The following RGL3 variants were observed in gnomAD, a reference collection of about 807,000 sequenced individuals.
The protein encoded by RGL3 is ral guanine nucleotide dissociation stimulator-like 3.
RGL3 carries 85 observed loss-of-function variants against 90.6 expected under a neutral mutation model. The observed-to-expected ratio is 0.94, with a 90% confidence interval of 0.79 to 1.12. The LOEUF (loss-of-function observed/expected upper bound fraction) is 1.12. RGL3 is among the 50% of genes most tolerant of loss of function. The pLI is 0.00. For missense variants in RGL3, 1,034 were observed against 939.2 expected (o/e 1.10, Z -1.32); for synonymous variants, 408 against 385.5 (o/e 1.06, Z -0.68).
In RGL3 at chr19:11,397,458, T is replaced by C. The variant is rs147520409; in HGVS notation, c.1886A>G (p.Tyr629Cys). The C allele has an allele frequency of 1.1e-5, 17 of 1,609,944 alleles. No homozygotes were observed. Among genetic ancestry groups the C allele is most frequent in the Non-Finnish European group, 1.4e-5 (16 of 1,177,522 alleles). ...VSIDNDHGNL[Y>C]RSILLTSQDK... Reference sequence around the variant, plus strand: ...CCAGCCCCTCACCAAGATGCTTCGATACAGGTTCCCGTGGTCATTGTCGAT... The same window carrying C: ...CCAGCCCCTCACCAAGATGCTTCGACACAGGTTCCCGTGGTCATTGTCGAT... Residue 629 changes from tyrosine to cysteine, a missense_variant, in exon 17 of 19, where the codon TAT becomes TGT. By Grantham distance (194) the Tyr-to-Cys change is radical. Coordinates refer to ENST00000380456, the MANE Select transcript of RGL3 (RefSeq NM_001035223.4).
chr19:11,410,555 A>G (rs1273646532), intron 5 of RGL3, among the ~76,000 whole-genome samples: 1 of 151,850 alleles, frequency 6.6e-6, no homozygotes, highest in Non-Finnish European at 1.5e-5. Context: ...CCTGATGCAC[A>G]CCTGCTGTCC....
At position 11,416,949 on chromosome 19, in the gene RGL3, A is replaced by G; in HGVS notation, c.258T>C (p.Arg86=). Residue 86 remains arginine (R), a synonymous_variant, in exon 3 of 19, where the codon CGT becomes CGC. Coordinates refer to ENST00000380456, the MANE Select transcript of RGL3 (RefSeq NM_001035223.4). ...RLVGELVFGD[R]EQDPSFMPAF... is the part of the protein sequence containing the mutation. Reference sequence around the variant, plus strand: ...CGGGCATGAAGCTGGGGTCCTGCTCACGGTCTCCAAACACCAACTCTCCCA... The same window carrying G: ...CGGGCATGAAGCTGGGGTCCTGCTCGCGGTCTCCAAACACCAACTCTCCCA... The G allele has an allele frequency of 6.2e-7, 1 of 1,614,026 alleles. No individual in the cohort carries two copies. Among genetic ancestry groups the G allele is most frequent in the Non-Finnish European group, 8.5e-7 (1 of 1,179,998 alleles).
chr19:11,404,572 A>G (rs1159316969), intron 9 of RGL3, among the ~76,000 whole-genome samples: 2 of 152,242 alleles, frequency 1.3e-5, no homozygotes, highest in Admixed American at 6.5e-5. Flanking sequence ...TGACGACAAC[A>G]ACAACAACAA....
intron 5 of RGL3, among the ~76,000 whole-genome samples, chr19:11,410,648 C>T (rs1030510570): frequency 6.6e-6 from 1 of 152,004 alleles, no homozygotes; most frequent in Non-Finnish European, 1.5e-5. Context: ...TGCCATAGCA[C>T]TCCAGCCTGG....
chr19:11,410,934 C>A (rs569028547), intron 5 of RGL3, among the ~76,000 whole-genome samples: 1 of 151,980 alleles, frequency 6.6e-6, no homozygotes, highest in Non-Finnish European at 1.5e-5. Context: ...ACCGGTAGGG[C>A]GTGGTGACTC....
intron 3 of RGL3, 67 bp downstream of exon 3, chr19:11,416,769 A>C (rs1969006636): frequency 6.3e-7 from 1 of 1,589,540 alleles, no homozygotes; most frequent in African/African-American, 1.3e-5. Flanking sequence ...ACACCTGAGG[A>C]GGTGGAGGGG....
intron 12 of RGL3, 35 bp downstream of exon 12, chr19:11,402,180 C>T (rs1968689934): frequency 6.2e-7 from 1 of 1,607,296 alleles, no homozygotes. Context: ...CCCCCACCCT[C>T]AGGCACCACC....
intron 2 of RGL3, among the ~76,000 whole-genome samples, chr19:11,418,110 C>T (rs2144745821): frequency 6.6e-6 from 1 of 152,040 alleles, no homozygotes; most frequent in South Asian, 2.1e-4. Flanking sequence ...GTGCCCCACT[C>T]CCTGCCCGCT....
intron 11 of RGL3, 84 bp downstream of exon 11, chr19:11,402,371 T>C: frequency 6.4e-7 from 1 of 1,567,028 alleles, no homozygotes; most frequent in Non-Finnish European, 8.7e-7. Context: ...GGAGTACAGG[T>C]AGGATCAAGG....
intron 18 of RGL3, among the ~76,000 whole-genome samples, chr19:11,396,151 TATATA>T (rs1968565432): frequency 5.2e-5 from 4 of 77,546 alleles, no homozygotes; most frequent in African/African-American, 1.8e-4. Flanking sequence ...TATATATATA[TATATA>T]TATTTTTTTT....
chr19:11,402,275 G>T (rs1342045027), intron 11 of RGL3, 28 bp from the exon 12 acceptor site: 1 of 1,611,402 alleles, frequency 6.2e-7, no homozygotes, highest in Non-Finnish European at 8.5e-7. Flanking sequence ...CTGAATTGCA[G>T]CACCCAGGGT....
chr19:11,417,943 G>A (rs2144745635), intron 2 of RGL3, among the ~76,000 whole-genome samples: 1 of 152,202 alleles, frequency 6.6e-6, no homozygotes, highest in Admixed American at 6.5e-5. Context: ...CTCTGCCCCA[G>A]CCTCCTGAGT....
chr19:11,396,385 G>T (rs1328590257), intron 18 of RGL3, among the ~76,000 whole-genome samples: 1 of 150,382 alleles, frequency 6.6e-6, no homozygotes, highest in African/African-American at 2.4e-5. Flanking sequence ...GGCCAGGCTG[G>T]TCTCGAACTC....
rs775136185 is a variant in RGL3, at chr19:11,418,683, G to A, written c.135C>T (p.Pro45=). ...ACCCCCTCCTCACCTGGCTGCCCCC[G>A]GGGCCCTCCGCCGGGCTCCTGCGCT... ...RSQRRSPAEG[P]GGSQAPSPIA... is the part of the protein sequence containing the mutation. The change falls in exon 2 of 19, where the codon CCC becomes CCT. Residue 45 remains proline (P), a synonymous_variant. Transcript: ENST00000380456. 8.4e-6 allele frequency: 13 copies of A among 1,555,836 alleles called. No individual in the cohort carries two copies. The highest frequency in any genetic ancestry group is 2.4e-5 in the East Asian group (1 of 42,486).
chr19:11,400,014 G>A (rs1968644510), intron 15 of RGL3, 26 bp downstream of exon 15: 3 of 1,602,796 alleles, frequency 1.9e-6, no homozygotes, highest in Non-Finnish European at 2.6e-6. Flanking sequence ...ATGATCCCCA[G>A]TCCCATCACC....
At chr19:11,409,511 A>G (rs1968839403) in intron 5 of RGL3, among the ~76,000 whole-genome samples, 1 of 152,124 alleles carries the variant, frequency 6.6e-6, no homozygotes, top group Non-Finnish European at 1.5e-5. Flanking sequence ...ACAAACAAAC[A>G]AACAAAAACA....
intron 3 of RGL3, 82 bp from the exon 4 acceptor site, chr19:11,416,749 T>C: frequency 6.3e-7 from 1 of 1,592,988 alleles, no homozygotes; most frequent in Non-Finnish European, 8.6e-7. Context: ...GGGAGGTGTT[T>C]CCAGGTTCCA....
chr19:11,416,429 C>T (rs991511874), intron 4 of RGL3, 185 bp downstream of exon 4: 2 of 689,238 alleles, frequency 2.9e-6, no homozygotes, highest in South Asian at 3.3e-5. Context: ...TAACTCCTGA[C>T]CTCCAGTGAT....
chr19:11,414,490 C>CATATATATATATATATATAT (rs57862666), intron 5 of RGL3, among the ~76,000 whole-genome samples: 1 of 27,872 alleles, frequency 3.6e-5, no homozygotes, highest in African/African-American at 1.7e-4. Flanking sequence ...TATACACCTT[C>CATATATATATATATATATAT]ATATATATAT....
Sources: allele counts gnomAD v4.1 joint callset (sites outside exome capture counted in the v4.1 genomes callset), GRCh38; gene constraint gnomAD v4.1.1; transcripts MANE v1.5; gene names NCBI Gene and HGNC (gene_info 2026-07-23, HGNC 2026-07-21).